The following ATP9B variants were observed in gnomAD, a reference collection of about 807,000 sequenced individuals.
The protein encoded by ATP9B is ATPase phospholipid transporting 9B, also known as probable phospholipid-transporting ATPase IIB.
A neutral mutation model predicts 146.1 loss-of-function variants in ATP9B; 110 were observed. The ratio of observed to expected loss-of-function variants is 0.75; its 90% CI spans 0.65 to 0.88. The LOEUF (loss-of-function observed/expected upper bound fraction) is 0.88. Among genes scored for constraint, ATP9B ranks in the 40% least tolerant of loss-of-function variants. The pLI, the probability that ATP9B is intolerant of heterozygous loss-of-function variation, is 0.00. For missense variants in ATP9B, 1,499 were observed against 1,496.4 expected, an observed-to-expected ratio of 1.00 and a Z score of -0.03; for synonymous variants, 604 against 569.7, an observed-to-expected ratio of 1.06 and a Z score of -0.86.
intron 5 of ATP9B, among the ~76,000 whole-genome samples, chr18:79,127,045 T>C (rs1265031871): frequency 2.6e-5 from 4 of 152,196 alleles, no homozygotes; most frequent in African/African-American, 9.7e-5. Flanking sequence ...AAAAACTGAA[T>C]GGGTATTCAT....
chr18:79,287,538 T>C (rs915836511), intron 13 of ATP9B, among the ~76,000 whole-genome samples: 8 of 152,078 alleles, frequency 5.3e-5, no homozygotes, highest in Non-Finnish European at 1.2e-4. Flanking sequence ...TAGCGGTCTA[T>C]CAATTTTGTT....
intron 5 of ATP9B, among the ~76,000 whole-genome samples, chr18:79,139,865 G>T (rs926822850): frequency 2.0e-5 from 3 of 151,908 alleles, no homozygotes; most frequent in African/African-American, 7.3e-5. Context: ...TCTACTCTCT[G>T]TCTCCATGAG....
At chr18:79,201,851 G>T (rs1403055387) in intron 9 of ATP9B, among the ~76,000 whole-genome samples, 1 of 152,078 alleles carries the variant, frequency 6.6e-6, no homozygotes, top group Admixed American at 6.6e-5. Context: ...GAGTCACTGT[G>T]CCCAGCCCCT....
intron 9 of ATP9B, among the ~76,000 whole-genome samples, chr18:79,204,269 G>A (rs2095514902): frequency 6.6e-6 from 1 of 152,204 alleles, no homozygotes; most frequent in Non-Finnish European, 1.5e-5. Context: ...TAATAGTGGT[G>A]TGTTAGCTAC....
At chr18:79,157,412 A>AAAACAAAAAAC (rs1172220999) in intron 7 of ATP9B, among the ~76,000 whole-genome samples, 64 of 150,080 alleles carry the variant, frequency 4.3e-4, no homozygotes, top group Non-Finnish European at 8.6e-4. Context: ...AAAAAAAAAA[A>AAAACAAAAAAC]AAAAAAAAAA....
chr18:79,320,087 CTG>C (rs2146863465), intron 15 of ATP9B, among the ~76,000 whole-genome samples: 1 of 152,334 alleles, frequency 6.6e-6, no homozygotes, highest in Non-Finnish European at 1.5e-5. Flanking sequence ...ATGGTTTTGC[CTG>C]TGTCTTCAGA....
Position 79,336,818 on chromosome 18 carries a change from TAGGAGTG to T in ATP9B, c.2112+109_2112+115del, listed in dbSNP as rs2096829780. The T allele has an allele frequency of 5.9e-6, 7 of 1,190,238 alleles. No individual in the cohort carries two copies. In the Admixed American group the frequency reaches 8.2e-5, roughly 14 times the overall value. 73.7% of individuals were successfully genotyped at this position (1,190,238 alleles called of 1,614,324 possible). On this transcript the variant is annotated intron_variant, in intron 18 of 29. Transcript: ENST00000426216. ...AATTAGAGCTGGGATCGCTATAGTC[TAGGAGTG>T]AAGGCAGCTTCGCTCAGCAGGAGCA...
chr18:79,165,785 G>A (rs2147804051), intron 7 of ATP9B, among the ~76,000 whole-genome samples: 1 of 152,254 alleles, frequency 6.6e-6, no homozygotes, highest in Non-Finnish European at 1.5e-5. Flanking sequence ...CCCAGGAGGG[G>A]CTGGCCATGG....
At chr18:79,257,204 G>A (rs1037565206) in intron 12 of ATP9B, among the ~76,000 whole-genome samples, 1 of 152,178 alleles carries the variant, frequency 6.6e-6, no homozygotes. Flanking sequence ...AGAGGCTGAG[G>A]CAGGAGAATC....
intron 15 of ATP9B, 51 bp from the exon 16 acceptor site, chr18:79,329,090 T>G: frequency 5.5e-6 from 8 of 1,460,422 alleles, no homozygotes; most frequent in Non-Finnish European, 7.3e-6. Flanking sequence ...CTCGCCTGCG[T>G]GCGGCTTTCC....
intron 15 of ATP9B, among the ~76,000 whole-genome samples, chr18:79,325,616 G>A (rs1289876664): frequency 6.6e-6 from 1 of 152,126 alleles, no homozygotes; most frequent in Non-Finnish European, 1.5e-5. Context: ...GGAAGGAGCG[G>A]GGGCTTTTGC....
chr18:79,256,438 T>G (rs937508855), intron 12 of ATP9B, among the ~76,000 whole-genome samples: 2 of 151,024 alleles, frequency 1.3e-5, no homozygotes, highest in Non-Finnish European at 3.0e-5. Flanking sequence ...TTACTGTGAT[T>G]AATACTTTAT....
intron 4 of ATP9B, among the ~76,000 whole-genome samples, chr18:79,120,980 T>G (rs541442118): frequency 6.6e-5 from 10 of 152,278 alleles, no homozygotes; most frequent in African/African-American, 2.4e-4. Flanking sequence ...AGACAACCAT[T>G]GTTAGTGATC....
At chr18:79,170,358 CTCCTCCTCTGTAGGTGTT>C (rs2095051880) in intron 7 of ATP9B, among the ~76,000 whole-genome samples, 1 of 152,224 alleles carries the variant, frequency 6.6e-6, no homozygotes, top group African/African-American at 2.4e-5. Flanking sequence ...TGAGATGAGT[CTCCTCCTCTGTAGGTGTT>C]GAAATAGTTA....
intron 11 of ATP9B, 43 bp from the exon 12 acceptor site, chr18:79,253,338 C>T (rs2096048880): frequency 6.4e-7 from 1 of 1,553,506 alleles, no homozygotes. Context: ...ATATTAGGGA[C>T]ATTGTGGTTA....
intron 15 of ATP9B, among the ~76,000 whole-genome samples, chr18:79,312,348 A>T (rs546608455): frequency 2.6e-5 from 4 of 152,234 alleles, no homozygotes; most frequent in Non-Finnish European, 5.9e-5. Flanking sequence ...ATAATTATTC[A>T]GAGCATTTTG....
chr18:79,246,529 G>A (rs2095966096), intron 11 of ATP9B, among the ~76,000 whole-genome samples: 1 of 152,224 alleles, frequency 6.6e-6, no homozygotes. Context: ...CAAGTATGTA[G>A]ATTCTGGCCA....
chr18:79,229,864 A>G (rs1393235333), intron 11 of ATP9B, among the ~76,000 whole-genome samples: 1 of 152,166 alleles, frequency 6.6e-6, no homozygotes, highest in Non-Finnish European at 1.5e-5. Context: ...TATCTGTGTT[A>G]CTTGTATTTG....
At chr18:79,200,433 A>C (rs1364132705) in intron 9 of ATP9B, among the ~76,000 whole-genome samples, 1 of 152,252 alleles carries the variant, frequency 6.6e-6, no homozygotes, top group African/African-American at 2.4e-5. Context: ...ATAGTAGAAC[A>C]CTATAGTGTT....
Sources: allele counts gnomAD v4.1 joint callset (sites outside exome capture counted in the v4.1 genomes callset), GRCh38; gene constraint gnomAD v4.1.1; transcripts MANE v1.5; gene names NCBI Gene and HGNC (gene_info 2026-07-23, HGNC 2026-07-21).